Variants in PIK3C3 observed in about 807,000 individuals in gnomAD.
PIK3C3 encodes the protein PI3-kinase type 3.
Under a neutral mutation model 126.1 loss-of-function variants are expected in PIK3C3, and 95 were observed. The observed-to-expected ratio is 0.75, with a 90% CI of 0.64 to 0.89. The LOEUF (loss-of-function observed/expected upper bound fraction) is 0.89, where lower values mean the gene tolerates loss of function less well. PIK3C3 is among the 40% of genes least tolerant of loss of function. The pLI is 0.00. For synonymous variants in PIK3C3, 374 were observed against 360.0 expected (o/e 1.04, Z -0.44); for missense variants, 829 against 1,063.2 (o/e 0.78, Z 3.06).
chr18:41,961,629 G>A (rs1980090662), intron 2 of PIK3C3, among the ~76,000 whole-genome samples: 2 of 152,136 alleles, frequency 1.3e-5, no homozygotes, highest in South Asian at 4.1e-4. Flanking sequence ...TGAATGAACA[G>A]AATAATTTTG....
intron 16 of PIK3C3, among the ~76,000 whole-genome samples, chr18:42,035,083 CAG>C (rs1336882270): frequency 6.6e-6 from 1 of 152,130 alleles, no homozygotes; most frequent in Non-Finnish European, 1.5e-5. Context: ...AACTCTCTAA[CAG>C]ATTACAACCT....
Position 42,077,555 on chromosome 18 carries a change from C to G in PIK3C3, c.2650-3568C>G, listed in dbSNP as rs1328939907. On this transcript the variant is annotated intron_variant, in intron 24 of 24. Coordinates refer to ENST00000262039, the MANE Select transcript of PIK3C3 (RefSeq NM_002647.4). ...TTTGCTTATCCAGAAGGAGGAACTC[C>G]TCATCTGCTCAAGTTTTATCATGAG... Among the ~76,000 whole-genome samples, 5 of 152,198 alleles carry G rather than the reference C, an allele frequency of 3.3e-5. 1 individual carries two copies. The highest frequency in any genetic ancestry group is 3.3e-4 in the Admixed American group (5 of 15,280).
intron 13 of PIK3C3, among the ~76,000 whole-genome samples, chr18:42,021,406 A>T (rs1320102718): frequency 1.3e-5 from 2 of 152,202 alleles, no homozygotes; most frequent in African/African-American, 4.8e-5. Flanking sequence ...GAAAAAGGCA[A>T]GTAGCTTAAG....
At chr18:42,035,241 A>G (rs1598916880) in intron 16 of PIK3C3, among the ~76,000 whole-genome samples, 1 of 152,204 alleles carries the variant, frequency 6.6e-6, no homozygotes, top group South Asian at 2.1e-4. Flanking sequence ...ACATATAACA[A>G]CTGGCATTCC....
intron 4 of PIK3C3, among the ~76,000 whole-genome samples, chr18:41,974,626 C>T (rs1053629486): frequency 2.4e-4 from 36 of 148,174 alleles, no homozygotes; most frequent in Admixed American, 1.1e-3. Context: ...AGTGTCTTTC[C>T]GTTTGAATTG....
At chr18:41,958,978 T>C (rs1568109081) in intron 2 of PIK3C3, among the ~76,000 whole-genome samples, 1 of 152,162 alleles carries the variant, frequency 6.6e-6, no homozygotes, top group African/African-American at 2.4e-5. Flanking sequence ...ATAACTACAG[T>C]ATCATCATCA....
At chr18:41,967,662 G>A (rs1980438280) in intron 3 of PIK3C3, among the ~76,000 whole-genome samples, 1 of 152,152 alleles carries the variant, frequency 6.6e-6, no homozygotes, top group Non-Finnish European at 1.5e-5. Context: ...TTAGGGATAA[G>A]GCTAGAATAA....
At chr18:42,042,571 A>G (rs1164035264) in intron 19 of PIK3C3, among the ~76,000 whole-genome samples, 1 of 152,210 alleles carries the variant, frequency 6.6e-6, no homozygotes, top group Non-Finnish European at 1.5e-5. Context: ...AGTTTTTAAC[A>G]TGGGCCCTAA....
chr18:42,006,004 C>T (rs921434173), intron 10 of PIK3C3, among the ~76,000 whole-genome samples: 1 of 151,000 alleles, frequency 6.6e-6, no homozygotes. Context: ...ATAACCCTCT[C>T]CTTGGGTGTG....
At position 42,084,423 on chromosome 18, in the gene PIK3C3, A is replaced by G. The variant is rs916955473; in HGVS notation, c.*3286A>G. 1 of 152,172 alleles carries G rather than the reference A, an allele frequency of 6.6e-6. No individual in the cohort carries two copies. Among genetic ancestry groups the G allele is most frequent in the Non-Finnish European group, 1.5e-5 (1 of 68,036 alleles). The allele number at this position is 152,172 out of a possible 1,614,324, so 9.4% of individuals were successfully genotyped here. ...ATGTGAACTTTCTATAATTATATAC[A>G]GAAAATATACTGATTTGCCAAAATG... is the stretch of plus-strand genomic sequence containing the variant. On this transcript the variant is annotated 3_prime_UTR_variant, in exon 25 of 25. Transcript: ENST00000262039.
chr18:42,058,328 T>C (rs868780758), intron 22 of PIK3C3, among the ~76,000 whole-genome samples: 14 of 152,290 alleles, frequency 9.2e-5, no homozygotes, highest in Middle Eastern at 3.4e-3. Context: ...CATGGAGGCT[T>C]CCAACTCAAT....
At position 41,996,747 on chromosome 18, in the gene PIK3C3, T is replaced by A; in HGVS notation, c.984+17T>A. ...CAAGAAAAAGTGAGTGTCTTGAATA[T>A]TTTCATATATCAAATTTATCTACCA... On this transcript the variant is annotated intron_variant, in intron 9 of 24. Coordinates refer to ENST00000262039, the MANE Select transcript of PIK3C3 (RefSeq NM_002647.4). 8.4e-7 allele frequency: 1 copy of A among 1,189,966 alleles called. No homozygotes were observed. The highest frequency in any genetic ancestry group is 1.2e-6 in the Non-Finnish European group (1 of 827,280). The allele number at this position is 1,189,966 out of a possible 1,614,324, so 73.7% of individuals were successfully genotyped here.
intron 2 of PIK3C3, among the ~76,000 whole-genome samples, chr18:41,960,957 A>G (rs187592375): frequency 3.3e-5 from 5 of 152,060 alleles, no homozygotes; most frequent in South Asian, 4.2e-4. Flanking sequence ...GGCGAAGCTC[A>G]TCTTGAACTC....
rs773500037 is a variant in PIK3C3 at position 41,993,301 on chromosome 18, G to A, written c.746G>A (p.Ser249Asn). ...GATGAATCATCTCCAATTTTAACAA[G>A]TTTTGAATTAGTGAAAGTTCCTGAC... ...DGDESSPILTSFELVKVPDPQ... is the reference protein window; with the variant it reads ...DGDESSPILTNFELVKVPDPQ... Residue 249 changes from serine to asparagine, a missense_variant, in exon 7 of 25, where the codon AGT (serine) becomes AAT (asparagine). Coordinates refer to ENST00000262039, the MANE Select transcript of PIK3C3 (RefSeq NM_002647.4). The A allele has an allele frequency of 5.0e-6, 8 of 1,610,188 alleles. No individual in the cohort carries two copies. In the African/African-American group the frequency reaches 6.7e-5, roughly 13 times the overall value.
chr18:42,031,782 T>G (rs1027442249), intron 15 of PIK3C3, among the ~76,000 whole-genome samples: 3 of 152,230 alleles, frequency 2.0e-5, no homozygotes, highest in African/African-American at 7.2e-5. Flanking sequence ...CAGTCTCTTT[T>G]CACTTTATGA....
intron 15 of PIK3C3, among the ~76,000 whole-genome samples, chr18:42,031,368 A>G (rs1983817663): frequency 1.3e-5 from 2 of 152,184 alleles, no homozygotes; most frequent in Non-Finnish European, 2.9e-5. Flanking sequence ...AGGAAAAATT[A>G]TGTTAGAAGA....
rs1178473283 is a variant in PIK3C3, at chr18:41,957,596, A to C, written c.95A>C (p.Gln32Pro). Residue 32 changes from glutamine to proline, a missense_variant, in exon 2 of 25, where the codon CAA (glutamine) becomes CCA (proline). Physicochemically the swap from Gln to Pro is moderately conservative, Grantham distance 76 (BLOSUM62 -1). Coordinates refer to ENST00000262039, the MANE Select transcript of PIK3C3 (RefSeq NM_002647.4). The part of the protein sequence containing the change: ...KIGSLEGKRE[Q>P]KSYKAVLEDP... The stretch of plus-strand genomic sequence containing the variant: ...GGAAGCTTGGAAGGGAAGAGAGAAC[A>C]AAAGAGTTATAAAGCTGTCCTGGAA... The C allele has an allele frequency of 1.6e-5, 25 of 1,610,384 alleles. No individual in the cohort carries two copies. The highest frequency in any genetic ancestry group is 2.0e-5 in the Non-Finnish European group (24 of 1,179,078).
chr18:42,079,848 CCTT>C (rs1271697223), intron 24 of PIK3C3, among the ~76,000 whole-genome samples: 1 of 152,120 alleles, frequency 6.6e-6, no homozygotes, highest in Non-Finnish European at 1.5e-5. Flanking sequence ...TCAAAAAGAA[CCTT>C]CTTTGTAGCT....
chr18:42,081,269 A>G lies in PIK3C3; in HGVS notation c.*132A>G. The G allele has an allele frequency of 1.7e-6, 1 of 580,158 alleles. No individual in the cohort carries two copies. Among genetic ancestry groups the G allele is most frequent in the Non-Finnish European group, 3.1e-6 (1 of 324,962 alleles). The allele number at this position is 580,158 out of a possible 1,614,324, so 35.9% of individuals were successfully genotyped here. The stretch of plus-strand genomic sequence containing the variant: ...AATCTTCAAGTTACCATATTTTCCA[A>G]ATATTACATGGTACCTGAGTTCTGC... On this transcript the variant is annotated 3_prime_UTR_variant, in exon 25 of 25. Coordinates refer to ENST00000262039, the MANE Select transcript of PIK3C3 (RefSeq NM_002647.4).
Sources: gnomAD v4.1 joint callset for allele counts (sites outside exome capture counted in the v4.1 genomes callset) on GRCh38, gnomAD v4.1.1 for gene constraint, MANE v1.5 for transcripts, NCBI Gene and HGNC (gene_info 2026-07-23, HGNC 2026-07-21) for gene names.